Variants in CABLES1 observed in about 807,000 individuals in gnomAD.
CABLES1 encodes the protein Cdk5 and Abl enzyme substrate 1, also known as CDK5 and ABL1 enzyme substrate 1.
Under a neutral mutation model 57.8 loss-of-function variants are expected in CABLES1, and 36 were observed. That is an observed-to-expected ratio of 0.62 (90% CI 0.48 to 0.82). The LOEUF (loss-of-function observed/expected upper bound fraction) is 0.82. Ranked by LOEUF, CABLES1 falls within the 40% of genes least tolerant of loss-of-function variation. The pLI is 0.00. For synonymous variants in CABLES1, 374 were observed against 363.0 expected, an observed-to-expected ratio of 1.03 and a Z score of -0.35; for missense variants, 767 against 836.6, an observed-to-expected ratio of 0.92 and a Z score of 1.03.
At chr18:23,188,947 C>T in intron 2 of CABLES1, 38 bp downstream of exon 2, 2 of 1,367,572 alleles carry the variant, frequency 1.5e-6, no homozygotes, top group Non-Finnish European at 2.1e-6. Flanking sequence ...GTAAACAGTA[C>T]ACCATGACAG....
At chr18:23,232,441 G>A (rs1460998418) in intron 4 of CABLES1, among the ~76,000 whole-genome samples, 2 of 152,158 alleles carry the variant, frequency 1.3e-5, no homozygotes, top group African/African-American at 2.4e-5. Flanking sequence ...CCTGCCCACC[G>A]CAGGTATTTT....
chr18:23,251,383 G>A (rs574374669), intron 7 of CABLES1, among the ~76,000 whole-genome samples: 7 of 152,252 alleles, frequency 4.6e-5, no homozygotes, highest in South Asian at 2.1e-4. Context: ...CCCAAGAGGC[G>A]GAGGTTGCAG....
intron 4 of CABLES1, among the ~76,000 whole-genome samples, chr18:23,214,406 C>T (rs139361421): frequency 6.6e-6 from 1 of 152,102 alleles, no homozygotes; most frequent in African/African-American, 2.4e-5. Context: ...CAGAACAAAC[C>T]CTGTGACCAT....
intron 3 of CABLES1, among the ~76,000 whole-genome samples, chr18:23,211,784 C>T (rs1358020491): frequency 8.5e-5 from 13 of 152,222 alleles, no homozygotes; most frequent in Non-Finnish European, 1.5e-4. Context: ...GAATTTGGCA[C>T]GTAATCGATA....
Position 23,135,892 on chromosome 18 carries a change from C to G in CABLES1, c.130C>G (p.Pro44Ala). The change falls in exon 1 of 10, where the codon CCG becomes GCG. Residue 44 changes from proline to alanine, a missense_variant. Coordinates refer to ENST00000256925, the MANE Select transcript of CABLES1 (RefSeq NM_001100619.3). Reference sequence around the variant, plus strand: ...CCAGCCTCAGCCCGCGGCCGCCGCGCCGGCCCAGCCGCCGCCCGAACCCCC... The same window carrying G: ...CCAGCCTCAGCCCGCGGCCGCCGCGGCGGCCCAGCCGCCGCCCGAACCCCC... ...QPQPQPAAAAPAQPPPEPPRK... is the reference protein window; with the variant it reads ...QPQPQPAAAAAAQPPPEPPRK... 4.7e-6 allele frequency: 5 copies of G among 1,061,654 alleles called. No homozygotes were observed. In the South Asian group the frequency reaches 2.0e-4, roughly 43 times the overall value. The allele number at this position is 1,061,654 out of a possible 1,614,324, so 65.8% of individuals were successfully genotyped here.
intron 6 of CABLES1, among the ~76,000 whole-genome samples, chr18:23,236,662 C>T (rs1428487198): frequency 8.5e-5 from 13 of 152,148 alleles, no homozygotes; most frequent in African/African-American, 1.7e-4. Flanking sequence ...CCTAGTGTTC[C>T]GGCCACCTCT....
intron 7 of CABLES1, among the ~76,000 whole-genome samples, chr18:23,248,813 G>A (rs543897964): frequency 3.3e-4 from 50 of 152,236 alleles, no homozygotes; most frequent in Admixed American, 6.5e-4. Flanking sequence ...CAACAAGAGC[G>A]AAACTCCATC....
chr18:23,173,147 A>G (rs1033549782), intron 1 of CABLES1, among the ~76,000 whole-genome samples: 11 of 152,184 alleles, frequency 7.2e-5, no homozygotes, highest in Non-Finnish European at 1.5e-4. Context: ...GTGCTGAGTG[A>G]CACGCGGCTC....
At chr18:23,205,703 G>A (rs1402993891) in intron 3 of CABLES1, among the ~76,000 whole-genome samples, 1 of 152,134 alleles carries the variant, frequency 6.6e-6, no homozygotes, top group Non-Finnish European at 1.5e-5. Flanking sequence ...ATAGAAAGAG[G>A]AAATTGAAGC....
chr18:23,228,550 T>C (rs1283353503), intron 4 of CABLES1, among the ~76,000 whole-genome samples: 1 of 152,200 alleles, frequency 6.6e-6, no homozygotes, highest in Non-Finnish European at 1.5e-5. Flanking sequence ...AGGATGAGTT[T>C]ACACTCCCAA....
chr18:23,152,895 G>A (rs1349310939), intron 1 of CABLES1, among the ~76,000 whole-genome samples: 3 of 151,474 alleles, frequency 2.0e-5, no homozygotes, highest in Admixed American at 6.6e-5. Context: ...TCCACCTCCC[G>A]GGTTCAAATG....
intron 1 of CABLES1, among the ~76,000 whole-genome samples, chr18:23,141,782 AATGGGTGGGGAAGCCATCAC>A (rs1405835587): frequency 1.3e-5 from 2 of 152,052 alleles, no homozygotes; most frequent in Non-Finnish European, 2.9e-5. Context: ...TTGCTCTCTG[AATGGGTGGGGAAGCCATCAC>A]ATGGCTCTGC....
chr18:23,149,243 TAAATC>T (rs1015425023), intron 1 of CABLES1, among the ~76,000 whole-genome samples: 3 of 152,042 alleles, frequency 2.0e-5, no homozygotes, highest in African/African-American at 7.2e-5. Context: ...TCTCTTCAGA[TAAATC>T]AACCTGTACT....
intron 4 of CABLES1, among the ~76,000 whole-genome samples, chr18:23,217,868 T>G (rs571742758): frequency 6.6e-6 from 1 of 152,250 alleles, no homozygotes; most frequent in Non-Finnish European, 1.5e-5. Context: ...GCCTTCCTGC[T>G]TCGCAGCTGA....
At chr18:23,254,528 A>G (rs1181479624) in intron 9 of CABLES1, among the ~76,000 whole-genome samples, 1 of 152,258 alleles carries the variant, frequency 6.6e-6, no homozygotes, top group African/African-American at 2.4e-5. Flanking sequence ...AGTTTGTTAC[A>G]GTTCCCAAGA....
rs921323793 is a variant in CABLES1, at chr18:23,260,127, C to G, written c.*2760C>G. ...AGCAGGGAGTGTGGCCCAGCCCCCA[C>G]TGTACCCCTCCAGGGGCCCGAGCCC... is the stretch of plus-strand genomic sequence containing the variant. On this transcript the variant is annotated 3_prime_UTR_variant, in exon 10 of 10. Coordinates refer to ENST00000256925, the MANE Select transcript of CABLES1 (RefSeq NM_001100619.3). 3 of 152,302 alleles carry G rather than the reference C, an allele frequency of 2.0e-5. No homozygotes were observed. Among genetic ancestry groups the G allele is most frequent in the Non-Finnish European group, 4.4e-5 (3 of 68,118 alleles). The allele number at this position is 152,302 out of a possible 1,614,324, so 9.4% of individuals were successfully genotyped here. A position where few individuals can be genotyped will look rare whatever the true frequency, so the allele number is the denominator to read the frequency against.
rs770435043 is a variant in CABLES1, at chr18:23,259,757, G to A, written c.*2390G>A. 7.9e-5 allele frequency: 12 copies of A among 152,280 alleles called. No individual in the cohort carries two copies. Among genetic ancestry groups the A allele is most frequent in the Non-Finnish European group, 1.3e-4 (9 of 68,088 alleles). 9.4% of individuals were successfully genotyped at this position (152,280 alleles called of 1,614,324 possible). A position where few individuals can be genotyped will look rare whatever the true frequency, so the allele number is the denominator to read the frequency against. On this transcript the variant is annotated 3_prime_UTR_variant, in exon 10 of 10. Coordinates refer to ENST00000256925, the MANE Select transcript of CABLES1 (RefSeq NM_001100619.3). ...CGTCGCAGCCTTGGGCTTCGGCGAGGAGGAAGTCTGAGCCTGTGAAGCGAG... is the reference window on the plus strand; with the variant it reads ...CGTCGCAGCCTTGGGCTTCGGCGAGAAGGAAGTCTGAGCCTGTGAAGCGAG...
chr18:23,239,107 T>C (rs2047673678), intron 7 of CABLES1, among the ~76,000 whole-genome samples: 1 of 152,250 alleles, frequency 6.6e-6, no homozygotes, highest in African/African-American at 2.4e-5. Flanking sequence ...AATGATTTCA[T>C]TGTGAGCCTT....
At chr18:23,163,215 A>G (rs932205924) in intron 1 of CABLES1, among the ~76,000 whole-genome samples, 6 of 152,112 alleles carry the variant, frequency 3.9e-5, no homozygotes, top group East Asian at 1.9e-4. Context: ...AGGAAGAAGA[A>G]GAGGTTGAGT....
Sources: gnomAD v4.1 joint callset for allele counts (sites outside exome capture counted in the v4.1 genomes callset) on GRCh38, gnomAD v4.1.1 for gene constraint, MANE v1.5 for transcripts, NCBI Gene and HGNC (gene_info 2026-07-23, HGNC 2026-07-21) for gene names.